The following CD226 variants were observed in gnomAD, a reference collection of about 807,000 sequenced individuals.
The protein encoded by CD226 is CD226 antigen.
CD226 carries 24 observed loss-of-function variants against 34.9 expected under a neutral mutation model. That is an observed-to-expected ratio of 0.69 (90% CI 0.50 to 0.97). The LOEUF is 0.97. CD226 is among the 50% of genes least tolerant of loss of function. The pLI is 0.00. For synonymous variants in CD226, 148 were observed against 147.4 expected, an observed-to-expected ratio of 1.00 and a Z score of -0.03; for missense variants, 397 against 412.7, an observed-to-expected ratio of 0.96 and a Z score of 0.33.
chr18:69,901,451 T>C (rs1329820223), intron 2 of CD226, among the ~76,000 whole-genome samples: 1 of 151,666 alleles, frequency 6.6e-6, no homozygotes, highest in Non-Finnish European at 1.5e-5. Context: ...AAAGAGAGAG[T>C]GTGAGAAATA....
chr18:69,872,490 A>G (rs1983596877), intron 4 of CD226, among the ~76,000 whole-genome samples: 1 of 152,086 alleles, frequency 6.6e-6, no homozygotes, highest in Non-Finnish European at 1.5e-5. Context: ...GACTCAAGCA[A>G]TCCTCCAGCC....
At chr18:69,925,911 G>A (rs2055515523) in intron 2 of CD226, among the ~76,000 whole-genome samples, 1 of 152,186 alleles carries the variant, frequency 6.6e-6, no homozygotes, top group Admixed American at 6.5e-5. Context: ...GGGAGGCCGA[G>A]GCGGGCAGAC....
At chr18:69,889,005 A>AATTACTGACCGTAAAATTGTACTGACTT (rs1984726916) in intron 3 of CD226, among the ~76,000 whole-genome samples, 2 of 152,122 alleles carry the variant, frequency 1.3e-5, no homozygotes. Flanking sequence ...GGGCTTACAA[A>AATTACTGACCGTAAAATTGTACTGACTT]ACAAATTAAC....
At chr18:69,868,898 A>G (rs1011608350) in intron 4 of CD226, among the ~76,000 whole-genome samples, 7 of 152,370 alleles carry the variant, frequency 4.6e-5, no homozygotes, top group Middle Eastern at 3.4e-3. Context: ...TGGAACTTAG[A>G]GTCAAATGAT....
At chr18:69,907,235 C>T (rs1232003025) in intron 2 of CD226, among the ~76,000 whole-genome samples, 1 of 152,216 alleles carries the variant, frequency 6.6e-6, no homozygotes, top group African/African-American at 2.4e-5. Flanking sequence ...AAAGCAAGCA[C>T]AATTGTAGAA....
At chr18:69,880,596 T>C (rs145015414) in intron 3 of CD226, among the ~76,000 whole-genome samples, 27 of 151,388 alleles carry the variant, frequency 1.8e-4, no homozygotes, top group Non-Finnish European at 3.7e-4. Context: ...ATAATGGGAG[T>C]TGTTGGTCAA....
chr18:69,882,752 G>T (rs1420563131), intron 3 of CD226, among the ~76,000 whole-genome samples: 1 of 152,184 alleles, frequency 6.6e-6, no homozygotes, highest in Non-Finnish European at 1.5e-5. Context: ...CATGTAGCAG[G>T]CTTGGATTCT....
chr18:69,889,409 A>T (rs1984752568), intron 3 of CD226, among the ~76,000 whole-genome samples: 1 of 152,092 alleles, frequency 6.6e-6, no homozygotes, highest in African/African-American at 2.4e-5. Context: ...CAGTTCAGAC[A>T]ATCCTCATGT....
Position 69,858,718 on chromosome 18 carries a change from CTTTTTTTTTTTTTTTT to C in CD226, c.*5580_*5595del, listed in dbSNP as rs71178826. Reference sequence around the variant, plus strand: ...GCCACCCCTATGTTCAAATACTTAACTTTTTTTTTTTTTTTTTTTTTTTTTTTTTGAGACGGAGTCT... The same window carrying C: ...GCCACCCCTATGTTCAAATACTTAACTTTTTTTTTTTTTGAGACGGAGTCT... On this transcript the variant is annotated 3_prime_UTR_variant, in exon 6 of 6. Coordinates refer to ENST00000582621, the MANE Select transcript of CD226 (RefSeq NM_001303618.2). 1 of 44,942 alleles carries C rather than the reference CTTTTTTTTTTTTTTTT, an allele frequency of 2.2e-5. No homozygotes were observed. The highest frequency in any genetic ancestry group is 8.1e-5 in the African/African-American group (1 of 12,354). 2.8% of individuals were successfully genotyped at this position (44,942 alleles called of 1,614,324 possible).
chr18:69,900,626 G>A (rs1420129046), intron 2 of CD226, among the ~76,000 whole-genome samples: 1 of 150,416 alleles, frequency 6.6e-6, no homozygotes, highest in Non-Finnish European at 1.5e-5. Flanking sequence ...CAGCTACTCG[G>A]GAGGCTGAGG....
At chr18:69,945,793 T>C (rs906647032) in intron 2 of CD226, among the ~76,000 whole-genome samples, 2 of 152,126 alleles carry the variant, frequency 1.3e-5, no homozygotes, top group African/African-American at 2.4e-5. Context: ...AGAGGTTTAA[T>C]TGGACTTACA....
At chr18:69,879,204 T>C (rs186356631) in intron 3 of CD226, among the ~76,000 whole-genome samples, 2 of 152,282 alleles carry the variant, frequency 1.3e-5, no homozygotes, top group Non-Finnish European at 2.9e-5. Flanking sequence ...CTGTCACTGA[T>C]AAACATCTTA....
chr18:69,947,117 A>C (rs1173732304), intron 1 of CD226, 48 bp from the exon 2 acceptor site: 2 of 1,451,654 alleles, frequency 1.4e-6, no homozygotes, highest in South Asian at 1.2e-5. Flanking sequence ...TGATGGAAAC[A>C]CCAAATCAAT....
At chr18:69,870,951 C>G (rs1357782840) in intron 4 of CD226, among the ~76,000 whole-genome samples, 2 of 152,144 alleles carry the variant, frequency 1.3e-5, no homozygotes, top group African/African-American at 4.8e-5. Flanking sequence ...AGTGCTTTTC[C>G]CTTGTGGTGT....
intron 2 of CD226, among the ~76,000 whole-genome samples, chr18:69,907,219 C>T (rs2055265547): frequency 1.3e-5 from 2 of 152,210 alleles, no homozygotes; most frequent in South Asian, 2.1e-4. Flanking sequence ...CTGGTGAATG[C>T]AATCTAAAGC....
chr18:69,901,840 C>T (rs1378806442), intron 2 of CD226, among the ~76,000 whole-genome samples: 7 of 151,034 alleles, frequency 4.6e-5, no homozygotes, highest in Non-Finnish European at 1.0e-4. Context: ...GATCGCACCA[C>T]TGCACTCCAG....
At chr18:69,953,674 G>A (rs1286581243) in intron 1 of CD226, among the ~76,000 whole-genome samples, 1 of 152,158 alleles carries the variant, frequency 6.6e-6, no homozygotes, top group Non-Finnish European at 1.5e-5. Context: ...CACTGTGGAT[G>A]TACTAAATAC....
chr18:69,936,227 CT>C (rs1323477721), intron 2 of CD226, among the ~76,000 whole-genome samples: 1 of 34,602 alleles, frequency 2.9e-5, no homozygotes, highest in Non-Finnish European at 5.2e-4. Context: ...TTTAAACTTT[CT>C]CTTTTTTTTT....
chr18:69,895,941 C>A lies in CD226; in HGVS notation c.487G>T (p.Val163Leu), dbSNP rs780295731. Residue 163 changes from valine to leucine, a missense_variant, in exon 3 of 6, where the codon GTG becomes TTG. Transcript: ENST00000582621. ...CGGGGCTGGATCTTTTCCCACCTCA[C>A]TGCCTGCACAGGCCACGTCATCTGA... ...QPQMTWPVQA[V>L]RWEKIQPRQI... The A allele has an allele frequency of 1.1e-5, 17 of 1,614,048 alleles. No individual in the cohort carries two copies. The highest frequency in any genetic ancestry group is 1.4e-5 in the Non-Finnish European group (17 of 1,180,040).
Sources: allele counts gnomAD v4.1 joint callset (sites outside exome capture counted in the v4.1 genomes callset), GRCh38; gene constraint gnomAD v4.1.1; transcripts MANE v1.5; gene names NCBI Gene and HGNC (gene_info 2026-07-23, HGNC 2026-07-21).